Variants in RYR2 observed in about 807,000 individuals in gnomAD.
RYR2 encodes ryanodine receptor 2, also known as cardiac muscle ryanodine receptor-calcium release channel.
Under a neutral mutation model 601.1 loss-of-function variants are expected in RYR2, and 227 were observed. That is an observed-to-expected ratio of 0.38 (90% CI 0.34 to 0.42). The LOEUF is 0.42. Among genes scored for constraint, RYR2 ranks in the 10% least tolerant of loss-of-function variants. RYR2 has a pLI of 1.00. For synonymous variants in RYR2, 2,223 were observed against 2,175.1 expected (o/e 1.02, Z -0.61); for missense variants, 4,646 against 6,156.5 (o/e 0.75, Z 8.21).
intron 27 of RYR2, 95 bp from the exon 28 acceptor site, chr1:237,566,472 T>C: frequency 2.4e-6 from 3 of 1,241,240 alleles, no homozygotes; most frequent in South Asian, 3.0e-5. Context: ...ATTACTAAAG[T>C]CGTGATTTAT....
intron 1 of RYR2, among the ~76,000 whole-genome samples, chr1:237,108,075 T>C (rs1321435501): frequency 1.3e-5 from 2 of 152,344 alleles, no homozygotes; most frequent in South Asian, 2.1e-4. Context: ...AGCTGGTTCA[T>C]GTATGCCTCA....
At chr1:237,746,645 G>A (rs974791555) in intron 80 of RYR2, among the ~76,000 whole-genome samples, 2 of 152,038 alleles carry the variant, frequency 1.3e-5, no homozygotes, top group African/African-American at 4.8e-5. Context: ...ATGCTTTCCT[G>A]TAACTACTTA....
intron 68 of RYR2, 22 bp downstream of exon 68, chr1:237,707,291 T>C: frequency 1.6e-6 from 2 of 1,243,146 alleles, no homozygotes; most frequent in Non-Finnish European, 2.1e-6. Flanking sequence ...AAGAAGACAT[T>C]GTACCCCTGA....
chr1:237,680,834 T>C (rs1685812787), intron 62 of RYR2, among the ~76,000 whole-genome samples: 1 of 152,242 alleles, frequency 6.6e-6, no homozygotes, highest in African/African-American at 2.4e-5. Flanking sequence ...TTTCACAATC[T>C]ACACATAGAG....
At chr1:237,689,829 A>G (rs1488373610) in intron 63 of RYR2, among the ~76,000 whole-genome samples, 1 of 151,522 alleles carries the variant, frequency 6.6e-6, no homozygotes, top group Non-Finnish European at 1.5e-5. Flanking sequence ...TTGCCAAATT[A>G]TTAGAATCTT....
At chr1:237,389,098 T>C (rs1702170624) in intron 10 of RYR2, among the ~76,000 whole-genome samples, 1 of 152,142 alleles carries the variant, frequency 6.6e-6, no homozygotes, top group South Asian at 2.1e-4. Context: ...AAGAGTGACA[T>C]AAGTCCCCTG....
At chr1:237,818,345 A>G (rs1047315419) in intron 100 of RYR2, among the ~76,000 whole-genome samples, 9 of 152,108 alleles carry the variant, frequency 5.9e-5, no homozygotes, top group Admixed American at 2.6e-4. Flanking sequence ...CTGCCCAAGG[A>G]ATTATCCAGC....
At chr1:237,150,897 C>A (rs1447743178) in intron 1 of RYR2, among the ~76,000 whole-genome samples, 2 of 152,088 alleles carry the variant, frequency 1.3e-5, no homozygotes, top group Admixed American at 1.3e-4. Flanking sequence ...GAAGAGTATG[C>A]TGATTTGTTA....
chr1:237,543,557 G>T (rs1669516217), intron 25 of RYR2, among the ~76,000 whole-genome samples: 1 of 152,148 alleles, frequency 6.6e-6, no homozygotes, highest in South Asian at 2.1e-4. Context: ...GGTACTTGAA[G>T]GGCTGATTTG....
At chr1:237,212,869 G>C (rs779385683) in intron 1 of RYR2, among the ~76,000 whole-genome samples, 14 of 152,068 alleles carry the variant, frequency 9.2e-5, no homozygotes, top group Non-Finnish European at 1.6e-4. Context: ...CCGCCTCCCA[G>C]GTTCAAGCAA....
chr1:237,654,862 A>G (rs180807118), intron 52 of RYR2, among the ~76,000 whole-genome samples: 226 of 152,366 alleles, frequency 1.5e-3, no homozygotes, highest in African/African-American at 5.2e-3. Flanking sequence ...CCGTCGCTCA[A>G]TGTTGCATTG....
chr1:237,688,148 C>G (rs1401646865), intron 63 of RYR2, among the ~76,000 whole-genome samples: 2 of 152,164 alleles, frequency 1.3e-5, no homozygotes, highest in Non-Finnish European at 2.9e-5. Flanking sequence ...TTTTCCCTGC[C>G]GTGGGGCTTT....
chr1:237,628,158 T>TATTGATAAA, intron 41 of RYR2, 78 bp downstream of exon 41: 1 of 1,438,076 alleles, frequency 7.0e-7, no homozygotes. Flanking sequence ...GTACATTAAC[T>TATTGATAAA]ACATTGATAA....
intron 1 of RYR2, among the ~76,000 whole-genome samples, chr1:237,071,684 C>G (rs1281551300): frequency 2.6e-5 from 4 of 152,194 alleles, no homozygotes; most frequent in Admixed American, 2.0e-4. Context: ...TCGTGCCTGG[C>G]TTGAAGGTGA....
chr1:237,275,374 A>T (rs1156819085), intron 2 of RYR2, among the ~76,000 whole-genome samples: 1 of 152,124 alleles, frequency 6.6e-6, no homozygotes, highest in Non-Finnish European at 1.5e-5. Context: ...CAGAAAGGGA[A>T]AAATAAAAGG....
chr1:237,698,397 G>T (rs1687680956), intron 63 of RYR2, among the ~76,000 whole-genome samples: 1 of 151,858 alleles, frequency 6.6e-6, no homozygotes, highest in African/African-American at 2.4e-5. Flanking sequence ...CTTCTTTAGT[G>T]TCTGATTTTT....
At chr1:237,101,313 A>C (rs1322071369) in intron 1 of RYR2, among the ~76,000 whole-genome samples, 6 of 140,542 alleles carry the variant, frequency 4.3e-5, no homozygotes, top group African/African-American at 1.3e-4. Flanking sequence ...AAAAAAAAAA[A>C]AAAAAAAAAA....
intron 52 of RYR2, among the ~76,000 whole-genome samples, chr1:237,654,702 A>C (rs1196477040): frequency 1.3e-5 from 2 of 152,158 alleles, no homozygotes; most frequent in Non-Finnish European, 2.9e-5. Flanking sequence ...GTGCATTTGG[A>C]CTCAAACTCT....
At chr1:237,506,578 G>T in intron 22 of RYR2, 132 bp from the exon 23 acceptor site, 1 of 598,716 alleles carries the variant, frequency 1.7e-6, no homozygotes, top group Non-Finnish European at 2.9e-6. Context: ...GAAATAGATG[G>T]CTTAGAACTT....
Sources: allele counts gnomAD v4.1 joint callset (sites outside exome capture counted in the v4.1 genomes callset), GRCh38; gene constraint gnomAD v4.1.1; transcripts MANE v1.5; gene names NCBI Gene and HGNC (gene_info 2026-07-23, HGNC 2026-07-21).